Variants in PLEKHA5 observed in about 807,000 individuals in gnomAD.
PLEKHA5 encodes the protein pleckstrin homology domain containing A5.
Under a neutral mutation model 181.9 loss-of-function variants are expected in PLEKHA5, and 55 were observed. The observed-to-expected ratio is 0.30, with a 90% CI of 0.24 to 0.38. The LOEUF (loss-of-function observed/expected upper bound fraction) is 0.38, where lower values mean the gene tolerates loss of function less well. PLEKHA5 is among the 10% of genes least tolerant of loss of function. The pLI is 1.00. For missense variants in PLEKHA5, 1,432 were observed against 1,549.5 expected (o/e 0.92, Z 1.27); for synonymous variants, 535 against 529.4 (o/e 1.01, Z -0.15).
intron 3 of PLEKHA5, among the ~76,000 whole-genome samples, chr12:19,185,809 T>G (rs1245620329): frequency 2.2e-4 from 33 of 152,166 alleles, no homozygotes; most frequent in Admixed American, 2.1e-3. Context: ...GAAGATCAAG[T>G]TGTTCCAAGG....
intron 3 of PLEKHA5, among the ~76,000 whole-genome samples, chr12:19,231,002 G>A (rs1165055719): frequency 6.6e-6 from 1 of 152,110 alleles, no homozygotes; most frequent in Non-Finnish European, 1.5e-5. Context: ...TGTCTTTTAG[G>A]TCCTAAGGCT....
chr12:19,333,570 C>G (rs1048205505), intron 20 of PLEKHA5, among the ~76,000 whole-genome samples: 3 of 151,000 alleles, frequency 2.0e-5, no homozygotes, highest in East Asian at 2.0e-4. Context: ...GCCTAGGCAA[C>G]AGCATAAGGC....
At chr12:19,190,363 T>C (rs575625711) in intron 3 of PLEKHA5, among the ~76,000 whole-genome samples, 299 of 152,306 alleles carry the variant, frequency 2.0e-3, no homozygotes, top group Non-Finnish European at 3.4e-3. Context: ...CCCCAAATAA[T>C]TTCTTTTAAA....
intron 30 of PLEKHA5, among the ~76,000 whole-genome samples, chr12:19,368,058 T>C (rs1422725807): frequency 6.6e-6 from 1 of 151,958 alleles, no homozygotes; most frequent in Non-Finnish European, 1.5e-5. Flanking sequence ...TATATAAATA[T>C]AACGTGTATG....
intron 28 of PLEKHA5, 113 bp downstream of exon 28, chr12:19,359,659 C>A: frequency 9.2e-7 from 1 of 1,088,564 alleles, no homozygotes; most frequent in Non-Finnish European, 1.3e-6. Context: ...GTCCATAGAG[C>A]TAAATGAAAA....
chr12:19,151,352 A>T (rs16915128), intron 3 of PLEKHA5: 1 of 152,144 alleles, frequency 6.6e-6, no homozygotes, highest in Non-Finnish European at 1.5e-5. Flanking sequence ...TGTAGGGTTA[A>T]TGCCAGGTCA....
intron 10 of PLEKHA5, among the ~76,000 whole-genome samples, chr12:19,273,835 A>T (rs1226058834): frequency 6.6e-6 from 1 of 152,186 alleles, no homozygotes; most frequent in African/African-American, 2.4e-5. Flanking sequence ...TCATTAACTC[A>T]TCTGATTCTC....
chr12:19,182,989 A>G (rs2048956580), intron 3 of PLEKHA5, among the ~76,000 whole-genome samples: 1 of 152,236 alleles, frequency 6.6e-6, no homozygotes, highest in African/African-American at 2.4e-5. Flanking sequence ...AAACAAGTTT[A>G]TGTTTTTTGA....
intron 21 of PLEKHA5, among the ~76,000 whole-genome samples, chr12:19,341,551 T>C (rs915388804): frequency 6.6e-6 from 1 of 152,088 alleles, no homozygotes; most frequent in African/African-American, 2.4e-5. Context: ...TTTCTTTTTT[T>C]TTACTTTTTG....
intron 3 of PLEKHA5, chr12:19,205,259 C>T (rs907899988): frequency 3.3e-6 from 1 of 299,466 alleles, no homozygotes; most frequent in Non-Finnish European, 4.9e-6. Flanking sequence ...ACTGAGCATG[C>T]TCATATGAAG....
At chr12:19,209,711 T>C (rs1001958258) in intron 3 of PLEKHA5, among the ~76,000 whole-genome samples, 8 of 152,156 alleles carry the variant, frequency 5.3e-5, no homozygotes, top group African/African-American at 1.7e-4. Flanking sequence ...GAGGTGGAAG[T>C]GGTTTAGTCA....
Position 19,358,171 on chromosome 12 carries a change from A to G in PLEKHA5, c.3139-57A>G, listed in dbSNP as rs2095052571. ...TGCACTTTACAACATTTTTTATTCC[A>G]TCATACTTTTCAGAAGTTTTCATTT... On this transcript the variant is annotated intron_variant, in intron 26 of 31. Coordinates refer to ENST00000429027, the MANE Select transcript of PLEKHA5 (RefSeq NM_001256470.2). 10 of 1,170,534 alleles carry G rather than the reference A, an allele frequency of 8.5e-6. No homozygotes were observed. In the South Asian group the frequency reaches 1.2e-4, roughly 14 times the overall value. The allele number at this position is 1,170,534 out of a possible 1,614,324, so 72.5% of individuals were successfully genotyped here.
chr12:19,333,141 C>T (rs774762704), intron 20 of PLEKHA5, among the ~76,000 whole-genome samples: 10 of 152,118 alleles, frequency 6.6e-5, no homozygotes, highest in African/African-American at 1.9e-4. Flanking sequence ...AAAAATTAGC[C>T]GGACATGGTG....
intron 3 of PLEKHA5, among the ~76,000 whole-genome samples, chr12:19,252,350 G>A (rs1293244462): frequency 6.6e-6 from 1 of 152,000 alleles, no homozygotes; most frequent in Non-Finnish European, 1.5e-5. Flanking sequence ...GACCTTACAA[G>A]GTAAATTTTC....
At chr12:19,180,752 A>G (rs947202773) in intron 3 of PLEKHA5, among the ~76,000 whole-genome samples, 1 of 151,672 alleles carries the variant, frequency 6.6e-6, no homozygotes, top group Non-Finnish European at 1.5e-5. Context: ...TTATAGAAGT[A>G]ATATAAATAT....
chr12:19,141,961 T>C (rs2037470445), intron 3 of PLEKHA5, among the ~76,000 whole-genome samples: 1 of 152,200 alleles, frequency 6.6e-6, no homozygotes, highest in Non-Finnish European at 1.5e-5. Context: ...TCCAAATAAC[T>C]TGGATTATTT....
intron 29 of PLEKHA5, among the ~76,000 whole-genome samples, chr12:19,365,535 T>C (rs569714088): frequency 1.3e-5 from 2 of 152,262 alleles, no homozygotes; most frequent in South Asian, 2.1e-4. Flanking sequence ...AAGTAGACTT[T>C]AAGGAATTTG....
intron 3 of PLEKHA5, chr12:19,205,444 G>T (rs193271972): frequency 2.2e-6 from 2 of 909,360 alleles, no homozygotes; most frequent in Admixed American, 1.2e-4. Flanking sequence ...AGGCTATTTG[G>T]TGAGTTAATT....
intron 3 of PLEKHA5, among the ~76,000 whole-genome samples, chr12:19,187,136 A>G (rs571693853): frequency 6.6e-6 from 1 of 152,292 alleles, no homozygotes; most frequent in South Asian, 2.1e-4. Flanking sequence ...AAGTTAACAT[A>G]TGTGAGGTCT....
Sources: gnomAD v4.1 joint callset for allele counts (sites outside exome capture counted in the v4.1 genomes callset) on GRCh38, gnomAD v4.1.1 for gene constraint, MANE v1.5 for transcripts, NCBI Gene and HGNC (gene_info 2026-07-23, HGNC 2026-07-21) for gene names.